The following CENPP variants were observed in gnomAD, a reference collection of about 807,000 sequenced individuals.
CENPP encodes the protein centromere protein P.
A neutral mutation model predicts 35.6 loss-of-function variants in CENPP; 24 were observed. The ratio of observed to expected loss-of-function variants is 0.67; its 90% CI spans 0.49 to 0.95. The LOEUF (loss-of-function observed/expected upper bound fraction) is 0.95. Ranked by LOEUF, CENPP falls within the 40% of genes least tolerant of loss-of-function variation. The pLI, the probability that CENPP is intolerant of heterozygous loss-of-function variation, is 0.00. For missense variants in CENPP, 332 were observed against 345.3 expected (o/e 0.96, Z 0.31); for synonymous variants, 120 against 125.5 (o/e 0.96, Z 0.29).
intron 4 of CENPP, among the ~76,000 whole-genome samples, chr9:92,377,644 G>A (rs927698691): frequency 6.6e-6 from 1 of 152,136 alleles, no homozygotes; most frequent in Non-Finnish European, 1.5e-5. Context: ...CAGCTATGCA[G>A]TAGTTTTCAG....
chr9:92,494,083 C>T, intron 5 of CENPP: 1 of 1,597,426 alleles, frequency 6.3e-7, no homozygotes, highest in Non-Finnish European at 8.5e-7. Context: ...CTTATTGCCT[C>T]TACCAGAGAG....
intron 5 of CENPP, among the ~76,000 whole-genome samples, chr9:92,553,123 A>G (rs979376998): frequency 6.6e-6 from 1 of 152,066 alleles, no homozygotes; most frequent in African/African-American, 2.4e-5. Context: ...TTATTCTCCT[A>G]CACGTGGCTA....
At chr9:92,327,588 C>T (rs757528612) in intron 1 of CENPP, among the ~76,000 whole-genome samples, 19 of 152,148 alleles carry the variant, frequency 1.2e-4, no homozygotes, top group Non-Finnish European at 2.5e-4. Flanking sequence ...AGGCCCTGTA[C>T]GTCAAAAGTT....
chr9:92,562,679 G>A (rs575968614), intron 5 of CENPP, among the ~76,000 whole-genome samples: 11 of 152,232 alleles, frequency 7.2e-5, no homozygotes, highest in South Asian at 6.2e-4. Flanking sequence ...CATGCTTAGC[G>A]TGAGGTTTGT....
intron 5 of CENPP, chr9:92,424,372 G>A (rs1843904162): frequency 6.6e-6 from 1 of 152,004 alleles, no homozygotes; most frequent in Admixed American, 6.6e-5. Flanking sequence ...CAATCTTCTT[G>A]GAAAACACTC....
At chr9:92,552,461 G>T (rs1849636963) in intron 5 of CENPP, among the ~76,000 whole-genome samples, 1 of 152,110 alleles carries the variant, frequency 6.6e-6, no homozygotes, top group Admixed American at 6.6e-5. Context: ...ATTCCCACCA[G>T]CAGTGTAGAA....
At chr9:92,531,967 ATTG>A (rs1814604780) in intron 5 of CENPP, among the ~76,000 whole-genome samples, 4 of 112,754 alleles carry the variant, frequency 3.5e-5, no homozygotes, top group African/African-American at 1.7e-4. Context: ...CCAGTATTTT[ATTG>A]TTGCCTTCTT....
chr9:92,490,525 A>G (rs985721796), intron 5 of CENPP, among the ~76,000 whole-genome samples: 3 of 152,218 alleles, frequency 2.0e-5, no homozygotes, highest in African/African-American at 7.2e-5. Context: ...GACATTTTCT[A>G]TCCTTTTTCT....
At chr9:92,336,635 T>G (rs1286493169) in intron 2 of CENPP, among the ~76,000 whole-genome samples, 1 of 152,178 alleles carries the variant, frequency 6.6e-6, no homozygotes, top group Non-Finnish European at 1.5e-5. Context: ...GATGACTACG[T>G]AAAGTCAGGA....
chr9:92,425,824 T>C (rs1843950749), intron 5 of CENPP, among the ~76,000 whole-genome samples: 1 of 152,236 alleles, frequency 6.6e-6, no homozygotes, highest in South Asian at 2.1e-4. Context: ...TTTCTGTTAG[T>C]GTCTTTGTTC....
chr9:92,434,084 C>CT (rs1844187907), intron 5 of CENPP, among the ~76,000 whole-genome samples: 1 of 151,994 alleles, frequency 6.6e-6, no homozygotes, highest in African/African-American at 2.4e-5. Context: ...CATTTTATTT[C>CT]TATATACTAG....
chr9:92,362,658 C>T (rs78329091), intron 4 of CENPP, among the ~76,000 whole-genome samples: 5 of 152,068 alleles, frequency 3.3e-5, no homozygotes. Context: ...GATGACCACA[C>T]AATTACTACT....
rs1238438910 is a variant in CENPP at position 92,365,762 on chromosome 9, A to G, written c.468-14001A>G. ...TTATAAATTTGTGATAATAAGGACA[A>G]TGTACCTTTATGTATTTCATTTCTT... On this transcript the variant is annotated intron_variant, in intron 4 of 7. Coordinates refer to ENST00000375587, the MANE Select transcript of CENPP (RefSeq NM_001012267.3). Among the ~76,000 whole-genome samples the G allele has an allele frequency of 9.2e-5, 14 of 151,880 alleles. No individual in the cohort carries two copies. The East Asian group carries it at 2.5e-3, about 27-fold the overall frequency.
intron 5 of CENPP, among the ~76,000 whole-genome samples, chr9:92,532,625 T>C (rs2131286880): frequency 6.6e-6 from 1 of 152,330 alleles, no homozygotes; most frequent in Non-Finnish European, 1.5e-5. Context: ...TGCTATTAAA[T>C]CTATCCATTG....
chr9:92,540,142 G>C (rs1418700981), intron 5 of CENPP, among the ~76,000 whole-genome samples: 1 of 152,194 alleles, frequency 6.6e-6, no homozygotes, highest in African/African-American at 2.4e-5. Context: ...ATTGAAGTAA[G>C]AAAGAAATGA....
chr9:92,457,769 G>C (rs1257406986), intron 5 of CENPP, among the ~76,000 whole-genome samples: 1 of 152,048 alleles, frequency 6.6e-6, no homozygotes, highest in African/African-American at 2.4e-5. Flanking sequence ...TCTCCAGATA[G>C]ATAGATAGAT....
chr9:92,486,737 A>C (rs1846065845), intron 5 of CENPP, among the ~76,000 whole-genome samples: 1 of 152,158 alleles, frequency 6.6e-6, no homozygotes, highest in African/African-American at 2.4e-5. Context: ...TTTATGAAAA[A>C]TGAAGGACTT....
intron 4 of CENPP, among the ~76,000 whole-genome samples, chr9:92,366,012 C>T (rs1841878789): frequency 1.3e-5 from 2 of 151,624 alleles, no homozygotes; most frequent in South Asian, 4.2e-4. Context: ...AACCCCGTCT[C>T]TACTAAAAAT....
At position 92,404,694 on chromosome 9, in the gene CENPP, T is replaced by G. The variant is rs570038698; in HGVS notation, c.564+24835T>G. 19 of 1,235,426 alleles carry G rather than the reference T, an allele frequency of 1.5e-5. No homozygotes were observed. The Admixed American group carries it at 3.5e-4, about 23-fold the overall frequency. The allele number at this position is 1,235,426 out of a possible 1,614,324, so 76.5% of individuals were successfully genotyped here. On this transcript the variant is annotated intron_variant, in intron 5 of 7. Transcript: ENST00000375587. ...CCAGCATTCTTTCTCTAGGGTGAAA[T>G]GCAGTGTGTTGTACTAGAGAACTGT...
Sources: allele counts gnomAD v4.1 joint callset (sites outside exome capture counted in the v4.1 genomes callset), GRCh38; gene constraint gnomAD v4.1.1; transcripts MANE v1.5; gene names NCBI Gene and HGNC (gene_info 2026-07-23, HGNC 2026-07-21).